ASPH: variants seen among roughly 807,000 people sequenced by gnomAD.
ASPH encodes aspartyl/asparaginyl beta-hydroxylase.
In ASPH, 100 loss-of-function variants were observed where a neutral mutation model predicts 118.4. The ratio of observed to expected loss-of-function variants is 0.84; its 90% CI spans 0.72 to 1.00. The LOEUF (loss-of-function observed/expected upper bound fraction) is 1.00. Among genes scored for constraint, ASPH ranks in the 50% least tolerant of loss-of-function variants. ASPH has a pLI of 0.00. For missense variants in ASPH, 920 were observed against 919.5 expected (o/e 1.00, Z -0.01); for synonymous variants, 315 against 325.6 (o/e 0.97, Z 0.35).
At chr8:61,551,149 G>A (rs1439048144) in intron 20 of ASPH, among the ~76,000 whole-genome samples, 2 of 152,296 alleles carry the variant, frequency 1.3e-5, no homozygotes, top group South Asian at 2.1e-4. Flanking sequence ...TGGGAATACC[G>A]AGAACTGCTA....
chr8:61,631,172 T>A (rs1855419412), intron 13 of ASPH, among the ~76,000 whole-genome samples: 1 of 152,134 alleles, frequency 6.6e-6, no homozygotes, highest in African/African-American at 2.4e-5. Context: ...TTTACAAATT[T>A]AAAAAAATTA....
intron 13 of ASPH, among the ~76,000 whole-genome samples, chr8:61,628,627 T>C (rs1029139734): frequency 6.6e-6 from 1 of 152,170 alleles, no homozygotes; most frequent in Non-Finnish European, 1.5e-5. Flanking sequence ...CTGGAGCTTT[T>C]ATCAACACCT....
rs2132239483 is a variant in ASPH, at chr8:61,578,338, G to A, written c.1063-1480C>T. 9 of 1,606,704 alleles carry A rather than the reference G, an allele frequency of 5.6e-6. No homozygotes were observed. The South Asian group carries it at 7.7e-5, about 14-fold the overall frequency. On this transcript the variant is annotated intron_variant, in intron 15 of 24. Coordinates refer to ENST00000379454, the MANE Select transcript of ASPH (RefSeq NM_004318.4). ...CACATCAGCTCCTCGAGCTTCTCCT[G>A]AGTGGGCAGCAGCAGCTTTCGGGGT...
chr8:61,652,620 C>T (rs1200431742), intron 4 of ASPH, among the ~76,000 whole-genome samples: 5 of 151,988 alleles, frequency 3.3e-5, no homozygotes, highest in Admixed American at 6.6e-5. Flanking sequence ...GATTAGATGG[C>T]AGAAAAAAGA....
chr8:61,610,878 A>G (rs1847117802), intron 14 of ASPH, among the ~76,000 whole-genome samples: 1 of 152,250 alleles, frequency 6.6e-6, no homozygotes, highest in Non-Finnish European at 1.5e-5. Flanking sequence ...TAACTAGGCT[A>G]ACCATGCAGT....
At chr8:61,628,551 T>C (rs1212976875) in intron 13 of ASPH, among the ~76,000 whole-genome samples, 1 of 152,118 alleles carries the variant, frequency 6.6e-6, no homozygotes, top group Non-Finnish European at 1.5e-5. Context: ...TTCACCCGTC[T>C]GGCATGCTGT....
At chr8:61,577,283 G>A (rs925991567) in intron 15 of ASPH, among the ~76,000 whole-genome samples, 1 of 150,518 alleles carries the variant, frequency 6.6e-6, no homozygotes, top group Admixed American at 6.6e-5. Context: ...GTATACATAT[G>A]TAACAAACCT....
intron 21 of ASPH, among the ~76,000 whole-genome samples, chr8:61,526,877 C>T (rs1036833014): frequency 1.3e-5 from 2 of 152,020 alleles, no homozygotes; most frequent in African/African-American, 2.4e-5. Flanking sequence ...GGGGAGAAGG[C>T]AAAGGTGAGG....
chr8:61,590,584 GTGTA>G (rs1309071593), intron 14 of ASPH, among the ~76,000 whole-genome samples: 1 of 142,654 alleles, frequency 7.0e-6, no homozygotes, highest in Non-Finnish European at 1.6e-5. Context: ...GTGTGTGTGT[GTGTA>G]TGAATTTCTC....
intron 3 of ASPH, among the ~76,000 whole-genome samples, chr8:61,671,548 G>A (rs1474865293): frequency 6.6e-6 from 1 of 152,138 alleles, no homozygotes; most frequent in Non-Finnish European, 1.5e-5. Flanking sequence ...AGCAGCATTA[G>A]GATGTGCTTA....
At chr8:61,602,739 T>C (rs1014554649) in intron 14 of ASPH, among the ~76,000 whole-genome samples, 1 of 151,230 alleles carries the variant, frequency 6.6e-6, no homozygotes, top group Non-Finnish European at 1.5e-5. Context: ...CTGGATATGG[T>C]CATTATCTTG....
chr8:61,663,160 G>A, intron 3 of ASPH: 1 of 985,240 alleles, frequency 1.0e-6, no homozygotes, highest in South Asian at 4.7e-5. Flanking sequence ...CATATGCCTG[G>A]GGGACATGTT....
At chr8:61,702,576 G>A (rs951848681) in intron 1 of ASPH, among the ~76,000 whole-genome samples, 8 of 151,912 alleles carry the variant, frequency 5.3e-5, no homozygotes, top group East Asian at 1.9e-4. Flanking sequence ...ATGACCCACC[G>A]CGCCCAGCCC....
chr8:61,554,375 A>T (rs1827088273), intron 19 of ASPH, among the ~76,000 whole-genome samples: 1 of 152,242 alleles, frequency 6.6e-6, no homozygotes, highest in Admixed American at 6.5e-5. Context: ...ATGCCAGCCA[A>T]ATAAAACATG....
At chr8:61,555,797 G>A (rs1341519864) in intron 19 of ASPH, 127 bp downstream of exon 19, 7 of 779,718 alleles carry the variant, frequency 9.0e-6, no homozygotes, top group East Asian at 8.3e-5. Context: ...CATGGTCTGA[G>A]GGTGGACATC....
chr8:61,539,427 A>G (rs945965725), intron 21 of ASPH, among the ~76,000 whole-genome samples: 30 of 152,166 alleles, frequency 2.0e-4, no homozygotes, highest in Middle Eastern at 3.4e-3. Context: ...AACAGTAAAG[A>G]AAGGAAGGAA....
chr8:61,663,344 G>T, intron 3 of ASPH: 1 of 985,328 alleles, frequency 1.0e-6, no homozygotes, highest in Non-Finnish European at 1.2e-6. Flanking sequence ...ATGTTCACCA[G>T]GCCTAACCAG....
In ASPH at chr8:61,500,614, C is replaced by T. The variant is rs1263575967; in HGVS notation, c.*2745G>A. 6.7e-6 allele frequency: 1 copy of T among 148,320 alleles called. No individual in the cohort carries two copies. The highest frequency in any genetic ancestry group is 2.6e-5 in the African/African-American group (1 of 38,832). 9.2% of individuals were successfully genotyped at this position (148,320 alleles called of 1,614,324 possible). The stretch of plus-strand genomic sequence containing the variant: ...TCCTTAGAAATGGAGTCCCCAACTA[C>T]TCATTCAAAAGAAATCAGACATAAA... On this transcript the variant is annotated 3_prime_UTR_variant, in exon 25 of 25. Transcript: ENST00000379454.
In ASPH at chr8:61,691,898, T is replaced by G. The variant is rs893496353; in HGVS notation, c.104-7710A>C. Among the ~76,000 whole-genome samples the G allele has an allele frequency of 3.3e-5, 5 of 152,338 alleles. No homozygotes were observed. The South Asian group carries it at 1.0e-3, about 32-fold the overall frequency. ...TCATAATCCCATCTGCCCCTGCAAC[T>G]GCTGGAGCTGGTAGGGTTTCTTCTC... is the stretch of plus-strand genomic sequence containing the variant. On this transcript the variant is annotated intron_variant, in intron 1 of 24. Transcript: ENST00000379454.
Sources: allele counts gnomAD v4.1 joint callset (sites outside exome capture counted in the v4.1 genomes callset), GRCh38; gene constraint gnomAD v4.1.1; transcripts MANE v1.5; gene names NCBI Gene and HGNC (gene_info 2026-07-23, HGNC 2026-07-21).